Variants in IL17REL observed in about 807,000 individuals in gnomAD.
IL17REL encodes interleukin 17 receptor E like.
A neutral mutation model predicts 49.0 loss-of-function variants in IL17REL; 36 were observed. The ratio of observed to expected loss-of-function variants is 0.73; its 90% CI spans 0.56 to 0.97. The LOEUF is 0.97. Ranked by LOEUF, IL17REL falls within the 50% of genes least tolerant of loss-of-function variation. The pLI is 0.00. For missense variants in IL17REL, 470 were observed against 453.9 expected, an observed-to-expected ratio of 1.04 and a Z score of -0.32; for synonymous variants, 206 against 192.4, an observed-to-expected ratio of 1.07 and a Z score of -0.58.
chr22:49,997,203 C>G, intron 11 of IL17REL, 117 bp downstream of exon 13: 1 of 1,394,818 alleles, frequency 7.2e-7, no homozygotes, highest in East Asian at 2.5e-5. Flanking sequence ...GCCAGGTAGA[C>G]TAGACCCTGG....
chr22:49,997,119 A>G (rs780582272), intron 11 of IL17REL, 45 bp from the exon 14 acceptor site: 1 of 1,540,644 alleles, frequency 6.5e-7, no homozygotes. Flanking sequence ...GGAAGGGTGG[A>G]TCAGGCTAAA....
intron 1 of IL17REL, among the ~76,000 whole-genome samples, chr22:50,007,312 A>T (rs942993016): frequency 6.6e-6 from 1 of 152,136 alleles, no homozygotes; most frequent in Non-Finnish European, 1.5e-5. Flanking sequence ...GATCATCATT[A>T]AAAAAGGAGA....
upstream of IL17REL, among the ~76,000 whole-genome samples, chr22:50,012,165 A>C (rs578080193): frequency 1.3e-5 from 2 of 152,148 alleles, no homozygotes; most frequent in Non-Finnish European, 2.9e-5. Context: ...ACGTTCTCCG[A>C]GTGTTTCCTT....
At chr22:49,995,020 G>A (rs1187317679) in exon 13 of IL17REL, 1 of 152,428 alleles carries the variant, frequency 6.6e-6, no homozygotes. Flanking sequence ...GGGAAGCTGA[G>A]ACCCTCTGGA....
intron 1 of IL17REL, among the ~76,000 whole-genome samples, chr22:50,002,651 C>T (rs917695135): frequency 1.3e-5 from 2 of 152,110 alleles, no homozygotes; most frequent in Non-Finnish European, 2.9e-5. Context: ...CGCACCACCA[C>T]GCCCAGCTAA....
upstream of IL17REL, among the ~76,000 whole-genome samples, chr22:50,011,401 G>A (rs1003915594): frequency 2.0e-5 from 3 of 151,904 alleles, 1 homozygote; most frequent in Admixed American, 1.3e-4. Flanking sequence ...GTCACACCTC[G>A]GACCGGGAGG....
chr22:49,994,753 AG>A (rs1409869480), exon 13 of IL17REL: 1 of 152,380 alleles, frequency 6.6e-6, no homozygotes, highest in Non-Finnish European at 1.5e-5. Context: ...CACAGCACTC[AG>A]GTGAGACGAT....
chr22:49,999,996 C>G (rs1463336475), intron 4 of IL17REL, 29 bp from the exon 7 acceptor site: 4 of 1,480,274 alleles, frequency 2.7e-6, no homozygotes, highest in South Asian at 1.3e-5. Context: ...CGGGGCCGCG[C>G]TGGGACCAGC....
intron 1 of IL17REL, among the ~76,000 whole-genome samples, chr22:50,007,553 G>C (rs1005124189): frequency 6.6e-6 from 1 of 151,816 alleles, no homozygotes; most frequent in African/African-American, 2.4e-5. Context: ...TTGGGGGGGG[G>C]ATTCTTAGTA....
chr22:49,997,671 C>T lies in IL17REL; in HGVS notation c.877+14G>A. 6.2e-7 allele frequency: 1 copy of T among 1,612,498 alleles called. No homozygotes were observed. ...TGCTGCGTCCACATTGCGTAGGCCT[C>T]ATGGAGAACTTACTTGGGAAGCGAC... On this transcript the variant is annotated intron_variant, in intron 10 of 12. Transcript: ENST00000341280.
intron 1 of IL17REL, among the ~76,000 whole-genome samples, chr22:50,006,618 A>C (rs1189594015): frequency 1.3e-5 from 2 of 152,128 alleles, no homozygotes; most frequent in Non-Finnish European, 2.9e-5. Context: ...TCCTAGAAAC[A>C]AAACCACCAC....
intron 10 of IL17REL, chr22:49,997,463 G>T (rs776858563): frequency 1.9e-6 from 3 of 1,564,214 alleles, no homozygotes; most frequent in African/African-American, 1.4e-5. Flanking sequence ...GTGGGCGAAG[G>T]CTGGATGGTC....
chr22:49,992,293 C>T (rs2061010349), downstream of IL17REL, among the ~76,000 whole-genome samples: 2 of 152,222 alleles, frequency 1.3e-5, no homozygotes, highest in African/African-American at 2.4e-5. Flanking sequence ...TGCCTGCCCT[C>T]CACAAGCTGA....
At chr22:50,006,576 G>A (rs2033879402) in intron 1 of IL17REL, among the ~76,000 whole-genome samples, 1 of 152,122 alleles carries the variant, frequency 6.6e-6, no homozygotes, top group South Asian at 2.1e-4. Flanking sequence ...AGGCTGTGAT[G>A]AGGGACCAGG....
Position 49,998,183 on chromosome 22 carries a change from G to T in IL17REL, c.728C>A (p.Ala243Asp), listed in dbSNP as rs765315354. The T allele has an allele frequency of 1.9e-6, 3 of 1,610,820 alleles. No homozygotes were observed. In the South Asian group the frequency reaches 3.3e-5, roughly 18 times the overall value. The change falls in exon 8 of 13, where the codon GCC becomes GAC. Residue 243 changes from alanine to aspartate, a missense_variant. By Grantham distance (126) the Ala-to-Asp change is moderately radical. Transcript: ENST00000341280. ...GGATTGCTGCAGCTTACGGCAGCCG[G>T]CCCCCGGCCCCGGGCGCCAGCACAG...
chr22:49,999,817 C>A lies in IL17REL; in HGVS notation c.474+11G>T. On this transcript the variant is annotated intron_variant, in intron 5 of 12. Coordinates refer to ENST00000341280, the Ensembl canonical transcript of IL17REL. ...CTAAGGCTGACCGGGGCCCGGGGCGCGGGCGCTCACTCGCACAGGGGCGCC... is the reference window on the plus strand; with the variant it reads ...CTAAGGCTGACCGGGGCCCGGGGCGAGGGCGCTCACTCGCACAGGGGCGCC... 6.7e-7 allele frequency: 1 copy of A among 1,496,280 alleles called. No individual in the cohort carries two copies. The highest frequency in any genetic ancestry group is 1.3e-5 in the South Asian group (1 of 78,428). 92.7% of individuals were successfully genotyped at this position (1,496,280 alleles called of 1,614,324 possible). A position where few individuals can be genotyped will look rare whatever the true frequency, so the allele number is the denominator to read the frequency against.
At chr22:50,005,736 C>T (rs375733152) in intron 1 of IL17REL, among the ~76,000 whole-genome samples, 262 of 152,006 alleles carry the variant, frequency 1.7e-3, no homozygotes, top group African/African-American at 6.2e-3. Context: ...ATCCGGGAGG[C>T]GGAAGTTGCA....
chr22:50,004,309 C>T (rs1221463429), intron 1 of IL17REL, among the ~76,000 whole-genome samples: 2 of 152,070 alleles, frequency 1.3e-5, no homozygotes, highest in South Asian at 2.1e-4. Context: ...GAACTCCTGA[C>T]GGCAAGTGAT....
chr22:50,010,262 C>A (rs2061132192), upstream of IL17REL, among the ~76,000 whole-genome samples: 1 of 152,248 alleles, frequency 6.6e-6, no homozygotes, highest in Non-Finnish European at 1.5e-5. Context: ...AGCAGGGCCT[C>A]AAACGAGGGG....
Sources: gnomAD v4.1 joint callset for allele counts (sites outside exome capture counted in the v4.1 genomes callset) on GRCh38, gnomAD v4.1.1 for gene constraint, MANE v1.5 for transcripts, NCBI Gene and HGNC (gene_info 2026-07-23, HGNC 2026-07-21) for gene names.